The following CDH10 variants were observed in gnomAD, a reference collection of about 807,000 sequenced individuals.
The protein encoded by CDH10 is cadherin 10, also known as cadherin-10.
Under a neutral mutation model 73.1 loss-of-function variants are expected in CDH10, and 30 were observed. The ratio of observed to expected loss-of-function variants is 0.41; its 90% CI spans 0.31 to 0.56. CDH10 has a LOEUF of 0.56. CDH10 is among the 20% of genes least tolerant of loss of function. CDH10 has a pLI of 0.27. For missense variants in CDH10, 815 were observed against 973.7 expected, an observed-to-expected ratio of 0.84 and a Z score of 2.17; for synonymous variants, 345 against 348.2, an observed-to-expected ratio of 0.99 and a Z score of 0.10.
intron 2 of CDH10, among the ~76,000 whole-genome samples, chr5:24,570,513 T>C (rs1745337348): frequency 6.6e-6 from 1 of 152,088 alleles, no homozygotes; most frequent in Non-Finnish European, 1.5e-5. Context: ...AGAGATTGCA[T>C]CACTGCCCAA....
chr5:24,493,173 G>GT lies in CDH10; in HGVS notation c.1516-249dup, dbSNP rs1432163933. 2.6e-5 allele frequency among the ~76,000 whole-genome samples: 4 copies of GT among 151,756 alleles called. No individual in the cohort carries two copies. The East Asian group carries it at 7.7e-4, about 29-fold the overall frequency. Reference sequence around the variant, plus strand: ...GTAAATAAAAAATATATTATTTAGGGTTTTATTAATTTAGATATAGCACTT... The same window carrying GT: ...GTAAATAAAAAATATATTATTTAGGGTTTTTATTAATTTAGATATAGCACTT... On this transcript the variant is annotated intron_variant, in intron 9 of 11. Transcript: ENST00000264463.
intron 1 of CDH10, among the ~76,000 whole-genome samples, chr5:24,623,383 T>C (rs1173783282): frequency 6.6e-6 from 1 of 152,148 alleles, no homozygotes; most frequent in South Asian, 2.1e-4. Flanking sequence ...ACTGAACAAA[T>C]GTACAGCGCC....
intron 5 of CDH10, among the ~76,000 whole-genome samples, chr5:24,533,852 A>T (rs545708596): frequency 6.6e-6 from 1 of 152,114 alleles, no homozygotes; most frequent in Admixed American, 6.6e-5. Flanking sequence ...GCCTTGCCCT[A>T]TGAGTTCTGG....
chr5:24,537,465 C>A lies in CDH10; in HGVS notation c.441G>T (p.Val147=), dbSNP rs2111893635. The change falls in exon 3 of 12, where the codon GTG becomes GTT. Residue 147 remains valine (V), a synonymous_variant. Transcript: ENST00000264463. ...TGTCATTGATATCATGAATTTTGAT[C>A]ACAAACTCTGACTCTGGCTCTACTG... is the stretch of plus-strand genomic sequence containing the variant. ...LRPVEPESEF[V]IKIHDINDNE... The A allele has an allele frequency of 6.2e-7, 1 of 1,612,664 alleles. No individual in the cohort carries two copies. The highest frequency in any genetic ancestry group is 8.5e-7 in the Non-Finnish European group (1 of 1,178,904).
At chr5:24,510,574 G>A (rs1253858424) in intron 6 of CDH10, among the ~76,000 whole-genome samples, 7 of 152,144 alleles carry the variant, frequency 4.6e-5, no homozygotes, top group Admixed American at 2.0e-4. Context: ...TACTGCTGCT[G>A]TCTGGTCTGA....
At chr5:24,586,005 A>T (rs771709476) in intron 2 of CDH10, among the ~76,000 whole-genome samples, 2 of 152,142 alleles carry the variant, frequency 1.3e-5, no homozygotes, top group African/African-American at 2.4e-5. Context: ...CGTCTTGCAC[A>T]TTTTTTGGGG....
intron 1 of CDH10, among the ~76,000 whole-genome samples, chr5:24,621,979 T>C (rs2112170563): frequency 6.6e-6 from 1 of 152,162 alleles, no homozygotes; most frequent in Middle Eastern, 3.4e-3. Flanking sequence ...CGAAAGAAGA[T>C]GAGGTTAGAG....
At chr5:24,580,916 T>C (rs908926740) in intron 2 of CDH10, among the ~76,000 whole-genome samples, 1 of 152,166 alleles carries the variant, frequency 6.6e-6, no homozygotes, top group African/African-American at 2.4e-5. Context: ...TTGTCACATC[T>C]CTTTTTTCTA....
At chr5:24,640,693 T>C (rs1451831681) in intron 1 of CDH10, among the ~76,000 whole-genome samples, 1 of 151,890 alleles carries the variant, frequency 6.6e-6, no homozygotes, top group African/African-American at 2.4e-5. Context: ...TTTGAAGGAA[T>C]GCTACATTTT....
In CDH10 at chr5:24,491,728, A is replaced by G. The variant is rs2111639817; in HGVS notation, c.1724T>C (p.Ile575Thr). ...PVVISDNDYP[I>T]QSSTGTLTIR... ...GGTCAGTGTGCCTGTGCTGCTCTGA[A>G]TTGGGTAATCATTGTCTGATATCAC... is the stretch of plus-strand genomic sequence containing the variant. Residue 575 changes from isoleucine to threonine, a missense_variant, in exon 11 of 12, where the codon ATT becomes ACT. Ile to Thr is a moderately conservative substitution (Grantham distance 89). Transcript: ENST00000264463. 6.2e-7 allele frequency: 1 copy of G among 1,613,810 alleles called. No homozygotes were observed. Among genetic ancestry groups the G allele is most frequent in the Non-Finnish European group, 8.5e-7 (1 of 1,179,732 alleles).
At chr5:24,537,186 C>T (rs971355005) in intron 3 of CDH10, among the ~76,000 whole-genome samples, 194 bp downstream of exon 3, 2 of 151,666 alleles carry the variant, frequency 1.3e-5, no homozygotes, top group African/African-American at 4.8e-5. Context: ...TATAAAGATT[C>T]ACAAATCTGT....
intron 5 of CDH10, among the ~76,000 whole-genome samples, chr5:24,529,675 T>C (rs180926939): frequency 2.0e-4 from 31 of 151,798 alleles, no homozygotes; most frequent in Admixed American, 8.6e-4. Flanking sequence ...TCTATATACA[T>C]AATACCCTGC....
At chr5:24,511,841 G>C (rs1371339322) in intron 5 of CDH10, among the ~76,000 whole-genome samples, 3 of 152,122 alleles carry the variant, frequency 2.0e-5, no homozygotes, top group African/African-American at 7.2e-5. Context: ...CAGGAACATG[G>C]ATAGAGGTGG....
chr5:24,521,510 G>A (rs1394329702), intron 5 of CDH10, among the ~76,000 whole-genome samples: 1 of 152,154 alleles, frequency 6.6e-6, no homozygotes, highest in Non-Finnish European at 1.5e-5. Context: ...GGAAGGCTGA[G>A]GGAGGAGAAG....
At chr5:24,550,106 G>A (rs1744491110) in intron 2 of CDH10, among the ~76,000 whole-genome samples, 1 of 152,164 alleles carries the variant, frequency 6.6e-6, no homozygotes, top group East Asian at 1.9e-4. Flanking sequence ...ATAAATAATT[G>A]CTGAATATAC....
chr5:24,517,140 C>G (rs1579747811), intron 5 of CDH10, among the ~76,000 whole-genome samples: 1 of 151,946 alleles, frequency 6.6e-6, no homozygotes, highest in Admixed American at 6.6e-5. Context: ...AGAAAAAATT[C>G]TCTACAAGAA....
intron 2 of CDH10, among the ~76,000 whole-genome samples, chr5:24,563,775 C>CAAAA (rs56666966): frequency 1.4e-4 from 18 of 128,766 alleles, no homozygotes; most frequent in African/African-American, 5.0e-4. Flanking sequence ...CCCCCTCCAC[C>CAAAA]AAAAAAAAAA....
intron 5 of CDH10, among the ~76,000 whole-genome samples, chr5:24,519,761 A>G (rs1024508789): frequency 2.0e-5 from 3 of 152,248 alleles, no homozygotes; most frequent in Non-Finnish European, 2.9e-5. Flanking sequence ...GTTATATTTG[A>G]CACAATGACT....
intron 2 of CDH10, among the ~76,000 whole-genome samples, chr5:24,555,604 G>A (rs532226126): frequency 1.6e-4 from 24 of 152,228 alleles, no homozygotes; most frequent in Admixed American, 1.0e-3. Context: ...GAAAGACACT[G>A]AGCCCAGGAA....
Sources: allele counts gnomAD v4.1 joint callset (sites outside exome capture counted in the v4.1 genomes callset), GRCh38; gene constraint gnomAD v4.1.1; transcripts MANE v1.5; gene names NCBI Gene and HGNC (gene_info 2026-07-23, HGNC 2026-07-21).